Variants in CD2AP observed in about 807,000 individuals in gnomAD.
CD2AP encodes CD2 associated protein.
Under a neutral mutation model 85.1 loss-of-function variants are expected in CD2AP, and 46 were observed. The observed-to-expected ratio is 0.54, with a 90% CI of 0.43 to 0.69. CD2AP has a LOEUF of 0.69. CD2AP is among the 30% of genes least tolerant of loss of function. CD2AP has a pLI of 0.00. For missense variants in CD2AP, 769 were observed against 729.5 expected, an observed-to-expected ratio of 1.05 and a Z score of -0.62; for synonymous variants, 255 against 252.9, an observed-to-expected ratio of 1.01 and a Z score of -0.08.
intron 4 of CD2AP, among the ~76,000 whole-genome samples, chr6:47,552,319 C>T (rs1432352140): frequency 6.6e-6 from 1 of 151,580 alleles, no homozygotes; most frequent in African/African-American, 2.4e-5. Context: ...CCCCCAAGTC[C>T]CCAAAGTCCA....
chr6:47,610,437 C>T (rs532266757), intron 16 of CD2AP, among the ~76,000 whole-genome samples: 1 of 152,054 alleles, frequency 6.6e-6, no homozygotes, highest in African/African-American at 2.4e-5. Flanking sequence ...TATAAAAGAA[C>T]AAAAAATAAA....
intron 17 of CD2AP, among the ~76,000 whole-genome samples, chr6:47,616,785 A>T (rs1472769980): frequency 6.6e-6 from 1 of 152,146 alleles, no homozygotes; most frequent in Non-Finnish European, 1.5e-5. Flanking sequence ...CCTTCAATTC[A>T]GTCTGTAACC....
intron 2 of CD2AP, among the ~76,000 whole-genome samples, chr6:47,528,958 C>T (rs1766799199): frequency 6.6e-6 from 1 of 152,136 alleles, no homozygotes; most frequent in Admixed American, 6.5e-5. Flanking sequence ...TATCTTCTCA[C>T]TCTCTTGATA....
chr6:47,588,369 T>C (rs943683849), intron 11 of CD2AP, among the ~76,000 whole-genome samples: 1 of 152,182 alleles, frequency 6.6e-6, no homozygotes, highest in African/African-American at 2.4e-5. Context: ...TCTAATGCGT[T>C]ACACAATAGG....
intron 1 of CD2AP, among the ~76,000 whole-genome samples, chr6:47,479,800 A>T (rs1438737790): frequency 1.3e-5 from 2 of 151,610 alleles, no homozygotes; most frequent in Admixed American, 1.3e-4. Flanking sequence ...ATTTGTTCGC[A>T]TTTTGAAATT....
intron 11 of CD2AP, among the ~76,000 whole-genome samples, chr6:47,584,647 G>A (rs1045705041): frequency 6.6e-6 from 1 of 151,470 alleles, no homozygotes. Flanking sequence ...TTTATCTTTC[G>A]TTTTACTTTC....
intron 1 of CD2AP, among the ~76,000 whole-genome samples, chr6:47,489,563 T>A (rs1411356358): frequency 1.3e-5 from 2 of 152,176 alleles, no homozygotes; most frequent in African/African-American, 4.8e-5. Flanking sequence ...TTGGTAATTT[T>A]AAAATTCATT....
chr6:47,481,971 G>A (rs558925968), intron 1 of CD2AP, among the ~76,000 whole-genome samples: 1 of 151,974 alleles, frequency 6.6e-6, no homozygotes, highest in South Asian at 2.1e-4. Context: ...GTCTTGCCCA[G>A]GCTAGTCTCA....
At chr6:47,542,861 C>CT (rs745493163) in intron 3 of CD2AP, among the ~76,000 whole-genome samples, 2 of 151,930 alleles carry the variant, frequency 1.3e-5, no homozygotes, top group East Asian at 1.9e-4. Context: ...ATTTAGAAAG[C>CT]TATTTGTGGC....
At chr6:47,504,625 A>G (rs1347217690) in intron 2 of CD2AP, among the ~76,000 whole-genome samples, 2 of 152,178 alleles carry the variant, frequency 1.3e-5, no homozygotes, top group Non-Finnish European at 2.9e-5. Flanking sequence ...GTGAGTCTGC[A>G]GTTGTGGAGC....
At chr6:47,535,058 A>C (rs1490628900) in intron 3 of CD2AP, among the ~76,000 whole-genome samples, 1 of 152,110 alleles carries the variant, frequency 6.6e-6, no homozygotes, top group Admixed American at 6.5e-5. Context: ...TGGCTTCCCA[A>C]AGTGCTGGAA....
chr6:47,509,109 A>T (rs1287481997), intron 2 of CD2AP, among the ~76,000 whole-genome samples: 1 of 152,090 alleles, frequency 6.6e-6, no homozygotes, highest in East Asian at 1.9e-4. Context: ...AATTAGTCTG[A>T]TTTCAGTATC....
intron 1 of CD2AP, among the ~76,000 whole-genome samples, chr6:47,494,974 G>T (rs532570915): frequency 6.6e-6 from 1 of 152,076 alleles, no homozygotes; most frequent in Non-Finnish European, 1.5e-5. Flanking sequence ...AGTCTGGGCA[G>T]TATAATGAGA....
At position 47,579,424 on chromosome 6, in the gene CD2AP, G is replaced by T. The variant is rs779504309; in HGVS notation, c.943G>T (p.Gly315Cys). Residue 315 changes from glycine (G) to cysteine (C), a missense_variant, in exon 9 of 18, where the codon GGT (glycine) becomes TGT (cysteine). Gly to Cys is a radical substitution (Grantham distance 159, BLOSUM62 -3). Coordinates refer to ENST00000359314, the MANE Select transcript of CD2AP (RefSeq NM_012120.3). ...TGGCTGGTGGAGGGGCGAACTTAAT[G>T]GTAAAGAAGGAGTATTTCCAGACAA... The part of the protein sequence containing the change: ...EAGWWRGELN[G>C]KEGVFPDNFA... The T allele has an allele frequency of 1.9e-6, 3 of 1,613,078 alleles. No individual in the cohort carries two copies. The highest frequency in any genetic ancestry group is 2.5e-6 in the Non-Finnish European group (3 of 1,179,362).
rs1416299483 is a variant in CD2AP at position 47,582,079 on chromosome 6, T to G, written c.1108+14T>G. The G allele has an allele frequency of 4.0e-6, 6 of 1,508,136 alleles. No individual in the cohort carries two copies. Among genetic ancestry groups the G allele is most frequent in the African/African-American group, 1.4e-5 (1 of 72,874 alleles). The allele number at this position is 1,508,136 out of a possible 1,614,324, so 93.4% of individuals were successfully genotyped here. On this transcript the variant is annotated intron_variant, in intron 11 of 17. Coordinates refer to ENST00000359314, the MANE Select transcript of CD2AP (RefSeq NM_012120.3). The stretch of plus-strand genomic sequence containing the variant: ...CTGAAGAAAAGGGTGAGGCTAATTT[T>G]CAACTTTCAAAAAAGCAATTATTTC...
At chr6:47,550,802 T>G (rs969795137) in intron 4 of CD2AP, among the ~76,000 whole-genome samples, 1 of 152,076 alleles carries the variant, frequency 6.6e-6, no homozygotes, top group Non-Finnish European at 1.5e-5. Context: ...AGTCAATGAG[T>G]GGATAAAGAA....
At chr6:47,600,949 TC>T (rs1295431013) in intron 13 of CD2AP, among the ~76,000 whole-genome samples, 1 of 151,806 alleles carries the variant, frequency 6.6e-6, no homozygotes, top group Non-Finnish European at 1.5e-5. Flanking sequence ...GTTGATGGAG[TC>T]CCTTTGGGAA....
At chr6:47,578,743 G>C (rs1355900583) in intron 8 of CD2AP, among the ~76,000 whole-genome samples, 1 of 146,078 alleles carries the variant, frequency 6.8e-6, no homozygotes, top group Non-Finnish European at 1.5e-5. Flanking sequence ...TGCAGCCTCT[G>C]CCTCCCGAGT....
intron 12 of CD2AP, 123 bp from the exon 13 acceptor site, chr6:47,599,178 T>A: frequency 1.3e-6 from 1 of 775,100 alleles, no homozygotes. Flanking sequence ...TTTATGGAAA[T>A]GGTTTTACAG....
Sources: allele counts gnomAD v4.1 joint callset (sites outside exome capture counted in the v4.1 genomes callset), GRCh38; gene constraint gnomAD v4.1.1; transcripts MANE v1.5; gene names NCBI Gene and HGNC (gene_info 2026-07-23, HGNC 2026-07-21).